The following TRAM1 variants were observed in gnomAD, a reference collection of about 807,000 sequenced individuals.
The protein encoded by TRAM1 is translocation associated membrane protein 1, also known as translocating chain-associated membrane protein 1.
A neutral mutation model predicts 48.7 loss-of-function variants in TRAM1; 17 were observed. That is an observed-to-expected ratio of 0.35 (90% CI 0.24 to 0.52). The LOEUF is 0.52. Ranked by LOEUF, TRAM1 falls within the 20% of genes least tolerant of loss-of-function variation. The pLI is 0.94. For synonymous variants in TRAM1, 182 were observed against 154.0 expected (o/e 1.18, Z -1.34); for missense variants, 351 against 441.5 (o/e 0.79, Z 1.84).
At chr8:70,604,337 A>G (rs557940822) in intron 1 of TRAM1, among the ~76,000 whole-genome samples, 185 of 152,320 alleles carry the variant, frequency 1.2e-3, no homozygotes, top group African/African-American at 4.3e-3. Flanking sequence ...GGAAGATGTG[A>G]CCAGTCACTA....
At chr8:70,599,211 T>C (rs1002340371) in intron 2 of TRAM1, among the ~76,000 whole-genome samples, 13 of 152,170 alleles carry the variant, frequency 8.5e-5, no homozygotes, top group Admixed American at 7.9e-4. Context: ...TGAGCTACGA[T>C]CACGCCACAG....
rs769727275 is a variant in TRAM1 at position 70,583,238 on chromosome 8, T to A, written c.977A>T (p.His326Leu). ...CACAGCTGGTGCCTGAAAAGCAGAA[T>A]GTTCCCTCCACCTTCGAAGCTGAAA... is the stretch of plus-strand genomic sequence containing the variant. Reference protein sequence around the residue: ...INFQLRRWREHSAFQAPAVKK... With the variant: ...INFQLRRWRELSAFQAPAVKK... Residue 326 changes from histidine to leucine, a missense_variant, in exon 10 of 11, where the codon CAT (histidine) becomes CTT (leucine). Coordinates refer to ENST00000262213, the MANE Select transcript of TRAM1 (RefSeq NM_014294.6). The A allele has an allele frequency of 6.2e-7, 1 of 1,613,948 alleles. No homozygotes were observed. The highest frequency in any genetic ancestry group is 1.3e-5 in the African/African-American group (1 of 74,942).
At chr8:70,575,418 A>G (rs1422106793) in intron 10 of TRAM1, among the ~76,000 whole-genome samples, 3 of 152,084 alleles carry the variant, frequency 2.0e-5, no homozygotes, top group Non-Finnish European at 2.9e-5. Flanking sequence ...CTTTTTATTT[A>G]TTTATGTTAC....
At chr8:70,584,452 G>C (rs1209259977) in intron 8 of TRAM1, among the ~76,000 whole-genome samples, 1 of 152,140 alleles carries the variant, frequency 6.6e-6, no homozygotes, top group Non-Finnish European at 1.5e-5. Flanking sequence ...GCAGGAGAAG[G>C]AAATAAAGGG....
chr8:70,593,924 C>G (rs2132037635), intron 6 of TRAM1, among the ~76,000 whole-genome samples: 1 of 152,268 alleles, frequency 6.6e-6, no homozygotes, highest in East Asian at 1.9e-4. Context: ...GAGGGTAAAA[C>G]TAGGAAGGAG....
intron 8 of TRAM1, among the ~76,000 whole-genome samples, chr8:70,586,183 A>G (rs1257581489): frequency 6.6e-6 from 1 of 150,462 alleles, no homozygotes; most frequent in Non-Finnish European, 1.5e-5. Context: ...ACAAAAAACC[A>G]AACACTGCAT....
intron 1 of TRAM1, among the ~76,000 whole-genome samples, chr8:70,605,078 T>C (rs1198878584): frequency 6.6e-6 from 1 of 152,232 alleles, no homozygotes. Flanking sequence ...ACAGACTACT[T>C]TGTTAGCCTT....
intron 9 of TRAM1, 95 bp downstream of exon 9, chr8:70,583,555 C>T: frequency 1.3e-6 from 2 of 1,489,696 alleles, no homozygotes; most frequent in Non-Finnish European, 9.0e-7. Context: ...TCCCCAACCT[C>T]ATATTCATCC....
At chr8:70,607,610 C>T (rs1244311423) in intron 1 of TRAM1, 6 of 484,976 alleles carry the variant, frequency 1.2e-5, no homozygotes, top group African/African-American at 2.1e-5. Flanking sequence ...GGGGGCCGGG[C>T]CTCGGCCTTC....
At position 70,594,545 on chromosome 8, in the gene TRAM1, A is replaced by G. The variant is rs1403005500; in HGVS notation, c.531T>C (p.Leu177=). The G allele has an allele frequency of 1.2e-6, 2 of 1,603,942 alleles. No homozygotes were observed. Among genetic ancestry groups the G allele is most frequent in the African/African-American group, 2.7e-5 (2 of 74,330 alleles). ...GGAAGTAGAGTTCAGGAAAAGCATG[A>G]AGCCAGTAAGCCAGCTGTGATATGT... The part of the protein sequence containing the change: ...FFYISQLAYW[L]HAFPELYFQK... Residue 177 remains leucine (L), a synonymous_variant, in exon 6 of 11, where the codon CTT becomes CTC. Transcript: ENST00000262213.
intron 10 of TRAM1, among the ~76,000 whole-genome samples, chr8:70,578,671 T>C (rs541212118): frequency 6.6e-6 from 1 of 152,306 alleles, no homozygotes; most frequent in East Asian, 1.9e-4. Context: ...GCTTAGTTGG[T>C]GAACACTTCC....
Position 70,587,125 on chromosome 8 carries a change from C to A in TRAM1, c.622G>T (p.Ala208Ser), listed in dbSNP as rs145890664. ...VYIGLYLFHI[A>S]GAYLLNLNHL... ...ACTCACTTCAAAAGGTAAGCTCCAG[C>A]AATGTGGAAGAGGTAAAGACCAATG... The change falls in exon 7 of 11, where the codon GCT becomes TCT. Residue 208 changes from alanine (A) to serine (S), a missense_variant. Coordinates refer to ENST00000262213, the MANE Select transcript of TRAM1 (RefSeq NM_014294.6). 3 of 1,613,970 alleles carry A rather than the reference C, an allele frequency of 1.9e-6. No homozygotes were observed. The highest frequency in any genetic ancestry group is 1.3e-5 in the African/African-American group (1 of 75,026).
At chr8:70,602,679 G>A (rs1463659168) in intron 1 of TRAM1, among the ~76,000 whole-genome samples, 2 of 152,194 alleles carry the variant, frequency 1.3e-5, no homozygotes, top group Non-Finnish European at 2.9e-5. Flanking sequence ...GATGGCCAGG[G>A]AAAGTAAAAA....
intron 8 of TRAM1, among the ~76,000 whole-genome samples, chr8:70,584,707 G>T (rs1037933945): frequency 6.6e-6 from 1 of 152,028 alleles, no homozygotes; most frequent in Admixed American, 6.6e-5. Context: ...AAATACCTAG[G>T]AATCCAACTT....
chr8:70,579,556 A>G (rs1396101589), intron 10 of TRAM1, among the ~76,000 whole-genome samples: 2 of 152,250 alleles, frequency 1.3e-5, no homozygotes, highest in African/African-American at 4.8e-5. Context: ...TCAGAAATGC[A>G]GAATTATTTT....
At chr8:70,584,152 T>A (rs1817149790) in intron 8 of TRAM1, among the ~76,000 whole-genome samples, 1 of 152,232 alleles carries the variant, frequency 6.6e-6, no homozygotes, top group Non-Finnish European at 1.5e-5. Flanking sequence ...CAGAGAGATA[T>A]AACACATATT....
intron 10 of TRAM1, among the ~76,000 whole-genome samples, chr8:70,580,075 T>G (rs1817043657): frequency 6.6e-6 from 1 of 152,064 alleles, no homozygotes; most frequent in Non-Finnish European, 1.5e-5. Flanking sequence ...ATGTATGAGA[T>G]CCCTATACAG....
chr8:70,608,387 C>T lies in TRAM1; in HGVS notation c.-188G>A. On this transcript the variant is annotated 5_prime_UTR_variant, in exon 1 of 11. In the 5' UTR this introduces an upstream ATG that the reference lacks. Transcript: ENST00000262213. ...GCCGCCCGGGGGAAAAAAAAAAACA[C>T]AACAGCTAGCCCGCAGCGGGGGCGA... 1 of 550,804 alleles carries T rather than the reference C, an allele frequency of 1.8e-6. No individual in the cohort carries two copies. Among genetic ancestry groups the T allele is most frequent in the Non-Finnish European group, 2.9e-6 (1 of 345,856 alleles). 34.1% of individuals were successfully genotyped at this position (550,804 alleles called of 1,614,324 possible).
At chr8:70,584,907 T>C (rs1317658819) in intron 8 of TRAM1, among the ~76,000 whole-genome samples, 1 of 152,160 alleles carries the variant, frequency 6.6e-6, no homozygotes, top group Non-Finnish European at 1.5e-5. Flanking sequence ...AATGACTTTC[T>C]TCACAGAATT....
Sources: gnomAD v4.1 joint callset for allele counts (sites outside exome capture counted in the v4.1 genomes callset) on GRCh38, gnomAD v4.1.1 for gene constraint, MANE v1.5 for transcripts, NCBI Gene and HGNC (gene_info 2026-07-23, HGNC 2026-07-21) for gene names.